PRKCH: variants seen among roughly 807,000 people sequenced by gnomAD.
PRKCH encodes protein kinase C eta, also known as protein kinase C eta type.
In PRKCH, 28 loss-of-function variants were observed where a neutral mutation model predicts 82.5. That is an observed-to-expected ratio of 0.34 (90% CI 0.25 to 0.47). PRKCH has a LOEUF of 0.47. PRKCH is among the 20% of genes least tolerant of loss of function. PRKCH has a pLI of 1.00. For synonymous variants in PRKCH, 322 were observed against 327.4 expected (o/e 0.98, Z 0.18); for missense variants, 705 against 881.8 (o/e 0.80, Z 2.54).
chr14:61,345,505 G>C (rs895305056), intron 1 of PRKCH, among the ~76,000 whole-genome samples: 3 of 152,188 alleles, frequency 2.0e-5, no homozygotes, highest in African/African-American at 7.2e-5. Context: ...GCATTAACTT[G>C]TTCCTTCTCT....
chr14:61,285,061 T>C (rs571409246), intron 1 of PRKCH, among the ~76,000 whole-genome samples: 2 of 152,332 alleles, frequency 1.3e-5, no homozygotes, highest in South Asian at 4.1e-4. Flanking sequence ...TATATGATAG[T>C]GACCATCTTT....
chr14:61,402,910 G>T (rs1881723098), intron 2 of PRKCH, among the ~76,000 whole-genome samples: 1 of 150,568 alleles, frequency 6.6e-6, no homozygotes, highest in Non-Finnish European at 1.5e-5. Context: ...AAGTTTTAGG[G>T]TACATGTGCA....
At chr14:61,497,050 C>CACTACT (rs1167058353) in intron 10 of PRKCH, among the ~76,000 whole-genome samples, 9 of 152,180 alleles carry the variant, frequency 5.9e-5, no homozygotes, top group Non-Finnish European at 1.2e-4. Context: ...AGGATGTTTG[C>CACTACT]ACATCTGTAG....
rs201306590 is a variant in PRKCH, at chr14:61,247,507, G to GGGCA, written c.-19+59841_-19+59844dup. Among the ~76,000 whole-genome samples the GGGCA allele has an allele frequency of 2.8e-4, 43 of 151,810 alleles. No homozygotes were observed. The East Asian group carries it at 8.0e-3, about 28-fold the overall frequency. On this transcript the variant is annotated intron_variant, in intron 1 of 3. Transcript: ENST00000555185. ...TCCCAGCACCTTGGGAGGCCGAGGT[G>GGGCA]GGCAGATCACCTGAGGTCAGGAGTT...
At chr14:61,337,509 C>T (rs1228305133) in intron 1 of PRKCH, among the ~76,000 whole-genome samples, 2 of 152,308 alleles carry the variant, frequency 1.3e-5, no homozygotes, top group Admixed American at 6.5e-5. Context: ...TAACCTTGAC[C>T]TCCTGGGCTC....
intron 1 of PRKCH, among the ~76,000 whole-genome samples, chr14:61,343,539 A>G (rs1007318374): frequency 1.3e-5 from 2 of 152,160 alleles, no homozygotes; most frequent in African/African-American, 2.4e-5. Context: ...GGACTAGAGA[A>G]TGCAGGGCAC....
intron 1 of PRKCH, among the ~76,000 whole-genome samples, chr14:61,272,575 A>G (rs978831330): frequency 6.6e-6 from 1 of 151,748 alleles, no homozygotes; most frequent in African/African-American, 2.4e-5. Context: ...GCTGGTCTCT[A>G]TATCTCCTGA....
intron 1 of PRKCH, among the ~76,000 whole-genome samples, chr14:61,194,730 TTTTATTTA>T (rs913013369): frequency 1.3e-5 from 2 of 152,282 alleles, no homozygotes; most frequent in African/African-American, 4.8e-5. Flanking sequence ...GTCATTATCA[TTTTATTTA>T]TTTATTTATT....
At chr14:61,291,644 G>C (rs868042039) in intron 1 of PRKCH, among the ~76,000 whole-genome samples, 50 of 152,226 alleles carry the variant, frequency 3.3e-4, no homozygotes, top group Admixed American at 1.8e-3. Flanking sequence ...TCTGGTTCTT[G>C]ATAATGAAAC....
rs140372987 is a variant in PRKCH at position 61,191,759 on chromosome 14, C to G, written c.-19+4091C>G. 6.0e-4 allele frequency among the ~76,000 whole-genome samples: 91 copies of G among 152,214 alleles called. No homozygotes were observed. In the East Asian group the frequency reaches 0.015, roughly 25 times the overall value. ...ATTGCCTGGCTTGTATTGTTTAGAG[C>G]CTTTGGCTTTGATGGCTTTGGGAGT... On this transcript the variant is annotated intron_variant, in intron 1 of 3. Coordinates refer to the PRKCH transcript ENST00000555185.
chr14:61,412,857 C>A (rs115293477), intron 2 of PRKCH, among the ~76,000 whole-genome samples: 109 of 152,114 alleles, frequency 7.2e-4, no homozygotes, highest in African/African-American at 2.5e-3. Context: ...TCAGTGTGGC[C>A]ATCTCTTTTC....
rs150379283 is a variant in PRKCH at position 61,240,043 on chromosome 14, G to A, written c.-19+52375G>A. 2.9e-3 allele frequency among the ~76,000 whole-genome samples: 442 copies of A among 152,282 alleles called. 5 individuals carry two copies. The highest frequency in any genetic ancestry group is 0.01 in the African/African-American group (423 of 41,560). The stretch of plus-strand genomic sequence containing the variant: ...GTTGAATGCATCTCTAAATTTCACT[G>A]GAGGTTTTGCCATTAGTAACTGAGT... On this transcript the variant is annotated intron_variant, in intron 1 of 3. Coordinates refer to the PRKCH transcript ENST00000555185.
intron 7 of PRKCH, among the ~76,000 whole-genome samples, chr14:61,455,026 T>C (rs796539462): frequency 1.4e-4 from 21 of 150,960 alleles, no homozygotes; most frequent in Admixed American, 9.2e-4. Flanking sequence ...GGGACTTTCA[T>C]TGACAATTTT....
intron 2 of PRKCH, among the ~76,000 whole-genome samples, chr14:61,410,125 G>T (rs958764306): frequency 2.0e-5 from 3 of 152,136 alleles, no homozygotes; most frequent in Admixed American, 6.5e-5. Context: ...TGACTTTTAT[G>T]ATTTTAATTT....
At chr14:61,525,913 T>A (rs1464891323) in intron 10 of PRKCH, 1 of 152,444 alleles carries the variant, frequency 6.6e-6, no homozygotes, top group African/African-American at 2.4e-5. Context: ...CCGGCCGTGC[T>A]CTCTCCTGGG....
At chr14:61,371,773 G>T (rs1433340496) in intron 1 of PRKCH, among the ~76,000 whole-genome samples, 2 of 152,012 alleles carry the variant, frequency 1.3e-5, no homozygotes, top group African/African-American at 4.8e-5. Flanking sequence ...CTCTTGGGAA[G>T]GAAGTCACTG....
chr14:61,268,009 A>ATTTT (rs1566800400), intron 1 of PRKCH, among the ~76,000 whole-genome samples: 4 of 152,274 alleles, frequency 2.6e-5, no homozygotes, highest in Admixed American at 2.0e-4. Context: ...ACTAAGCTTT[A>ATTTT]TTTTTGCTAA....
At chr14:61,442,967 A>G (rs1884047779) in intron 2 of PRKCH, 144 bp from the exon 3 acceptor site, 2 of 760,290 alleles carry the variant, frequency 2.6e-6, no homozygotes, top group Middle Eastern at 4.0e-4. Flanking sequence ...GGAAGCCATA[A>G]TGATTTTAGG....
intron 2 of PRKCH, among the ~76,000 whole-genome samples, chr14:61,401,976 C>T (rs1881647958): frequency 6.6e-6 from 1 of 152,198 alleles, no homozygotes; most frequent in Non-Finnish European, 1.5e-5. Context: ...TCAGGGAAAA[C>T]AACTGTAAGT....
Sources: gnomAD v4.1 joint callset for allele counts (sites outside exome capture counted in the v4.1 genomes callset) on GRCh38, gnomAD v4.1.1 for gene constraint, MANE v1.5 for transcripts, NCBI Gene and HGNC (gene_info 2026-07-23, HGNC 2026-07-21) for gene names.